The following SLC9B2 variants were observed in gnomAD, a reference collection of about 807,000 sequenced individuals.
The protein encoded by SLC9B2 is solute carrier family 9 member B2, also known as sodium/hydrogen exchanger 9B2.
A neutral mutation model predicts 52.2 loss-of-function variants in SLC9B2; 39 were observed. The observed-to-expected ratio is 0.75, with a 90% CI of 0.58 to 0.98. The LOEUF (loss-of-function observed/expected upper bound fraction) is 0.98. Among genes scored for constraint, SLC9B2 ranks in the 50% least tolerant of loss-of-function variants. The pLI is 0.00. For synonymous variants in SLC9B2, 214 were observed against 227.0 expected (o/e 0.94, Z 0.51); for missense variants, 626 against 637.5 (o/e 0.98, Z 0.19).
chr4:103,026,515 A>G lies in SLC9B2; in HGVS notation c.1469T>C (p.Val490Ala). Residue 490 changes from valine to alanine, a missense_variant, in exon 12 of 12, where the codon GTG becomes GCG. Coordinates refer to ENST00000394785, the MANE Select transcript of SLC9B2 (RefSeq NM_178833.7). ...GATGGACAAAAATGCCACTGTCAAC[A>G]CATCCATTCCATAGTCTTCTAATTG... ...EKQLEDYGMD[V>A]LTVAFLSILI... The G allele has an allele frequency of 4.3e-6, 7 of 1,613,982 alleles. No individual in the cohort carries two copies. Among genetic ancestry groups the G allele is most frequent in the African/African-American group, 1.3e-5 (1 of 75,042 alleles).
At chr4:103,057,263 T>C (rs867891482) in intron 4 of SLC9B2, among the ~76,000 whole-genome samples, 1 of 94,650 alleles carries the variant, frequency 1.1e-5, no homozygotes, top group Non-Finnish European at 2.2e-5. Flanking sequence ...TATATATATA[T>C]ATATATATAT....
rs1009270910 is a variant in SLC9B2, at chr4:103,024,727, T to A, written c.*1643A>T. On this transcript the variant is annotated 3_prime_UTR_variant, in exon 12 of 12. Transcript: ENST00000394785. ...GTAATAAACACTTCAGGTACACAGA[T>A]AACATGATAAAAACTGTAAACTGTA... Among the ~76,000 whole-genome samples the A allele has an allele frequency of 6.6e-6, 1 of 152,180 alleles. No homozygotes were observed. The highest frequency in any genetic ancestry group is 2.4e-5 in the African/African-American group (1 of 41,458).
At chr4:103,060,447 T>C (rs1286602353) in intron 3 of SLC9B2, among the ~76,000 whole-genome samples, 2 of 151,904 alleles carry the variant, frequency 1.3e-5, no homozygotes, top group African/African-American at 4.8e-5. Context: ...ATTCTTAACT[T>C]CTTTATATAT....
At chr4:103,063,484 A>C (rs1451556919) in intron 3 of SLC9B2, among the ~76,000 whole-genome samples, 1 of 152,230 alleles carries the variant, frequency 6.6e-6, no homozygotes, top group Admixed American at 6.5e-5. Context: ...ATATGTGGGC[A>C]TCCATATATT....
At chr4:103,045,064 A>C in intron 7 of SLC9B2, 68 bp from the exon 8 acceptor site, 2 of 989,474 alleles carry the variant, frequency 2.0e-6, no homozygotes, top group Non-Finnish European at 3.2e-6. Context: ...TTCCACAATC[A>C]TCAACATGAA....
intron 3 of SLC9B2, among the ~76,000 whole-genome samples, chr4:103,062,811 T>C (rs949561587): frequency 3.9e-5 from 6 of 152,102 alleles, no homozygotes; most frequent in Admixed American, 1.3e-4. Flanking sequence ...GAGGTTTCAC[T>C]ATGTTAGCCA....
intron 1 of SLC9B2, among the ~76,000 whole-genome samples, chr4:103,073,587 A>T (rs1205222322): frequency 6.6e-6 from 1 of 152,234 alleles, no homozygotes; most frequent in Non-Finnish European, 1.5e-5. Context: ...TGTCAAATAC[A>T]TGTGGCCAAG....
intron 4 of SLC9B2, among the ~76,000 whole-genome samples, chr4:103,054,526 T>G (rs563249767): frequency 1.5e-3 from 236 of 152,292 alleles, no homozygotes; most frequent in African/African-American, 5.3e-3. Context: ...AATGAATATC[T>G]TAGGCTTTGT....
At position 103,067,532 on chromosome 4, in the gene SLC9B2, T is replaced by C; in HGVS notation, c.19A>G (p.Arg7Gly). Residue 7 changes from arginine to glycine, a missense_variant, in exon 2 of 12, where the codon AGA becomes GGA. Physicochemically the swap from Arg to Gly is moderately radical, Grantham distance 125. Transcript: ENST00000394785. MGDEDK[R>G]ITYEDSEPST... is the part of the protein sequence containing the mutation. ...GGTTCTGAATCTTCATATGTAATTCTTTTATCTTCATCCCCCATTATTTAT... is the reference window on the plus strand; with the variant it reads ...GGTTCTGAATCTTCATATGTAATTCCTTTATCTTCATCCCCCATTATTTAT... 6.2e-7 allele frequency: 1 copy of C among 1,612,210 alleles called. No homozygotes were observed. Among genetic ancestry groups the C allele is most frequent in the Non-Finnish European group, 8.5e-7 (1 of 1,178,468 alleles).
chr4:103,029,022 GA>G, intron 10 of SLC9B2, 139 bp from the exon 11 acceptor site: 2 of 720,770 alleles, frequency 2.8e-6, no homozygotes, highest in Non-Finnish European at 2.1e-6. Context: ...TGTTTAGGAA[GA>G]ATATATAAAA....
intron 2 of SLC9B2, 33 bp downstream of exon 2, chr4:103,067,428 A>T: frequency 6.3e-7 from 1 of 1,574,828 alleles, no homozygotes; most frequent in Non-Finnish European, 8.7e-7. Context: ...TAGAATATGA[A>T]GAAAACACAA....
chr4:103,044,674 T>C (rs1430901911), intron 8 of SLC9B2, among the ~76,000 whole-genome samples: 2 of 152,234 alleles, frequency 1.3e-5, no homozygotes, highest in Non-Finnish European at 2.9e-5. Context: ...GAATTTGAAA[T>C]GTACAGAATA....
At chr4:103,026,627 A>G (rs1742241572) in intron 11 of SLC9B2, 36 bp from the exon 12 acceptor site, 1 of 1,579,956 alleles carries the variant, frequency 6.3e-7, no homozygotes, top group Non-Finnish European at 8.6e-7. Context: ...GAATCATGAT[A>G]AGATAAGCAC....
At chr4:103,075,936 C>A (rs1747092536) in intron 1 of SLC9B2, among the ~76,000 whole-genome samples, 1 of 152,158 alleles carries the variant, frequency 6.6e-6, no homozygotes, top group African/African-American at 2.4e-5. Flanking sequence ...TGATTCTTAG[C>A]ACCTCGAGGA....
intron 1 of SLC9B2, among the ~76,000 whole-genome samples, chr4:103,070,889 G>A (rs944815911): frequency 1.3e-5 from 2 of 152,082 alleles, no homozygotes; most frequent in African/African-American, 4.8e-5. Flanking sequence ...TGAAAGAGAT[G>A]AAAAAGACAG....
intron 9 of SLC9B2, among the ~76,000 whole-genome samples, chr4:103,034,876 T>C: frequency 6.6e-6 from 1 of 152,252 alleles, no homozygotes; most frequent in African/African-American, 2.4e-5. Context: ...ATTGTACATC[T>C]TTTGATACTT....
At chr4:103,073,179 G>A (rs1454266730) in intron 1 of SLC9B2, among the ~76,000 whole-genome samples, 1 of 152,042 alleles carries the variant, frequency 6.6e-6, no homozygotes, top group African/African-American at 2.4e-5. Context: ...ATTAGTTTGT[G>A]GTATTTTGTT....
At chr4:103,039,812 A>C (rs571227343) in intron 9 of SLC9B2, among the ~76,000 whole-genome samples, 5 of 151,690 alleles carry the variant, frequency 3.3e-5, no homozygotes, top group Admixed American at 3.3e-4. Flanking sequence ...ATGCCCGGCT[A>C]ATTTTTTGTA....
At chr4:103,047,542 C>A (rs113320650) in intron 6 of SLC9B2, among the ~76,000 whole-genome samples, 4 of 122,496 alleles carry the variant, frequency 3.3e-5, no homozygotes, top group African/African-American at 9.1e-5. Context: ...ATCCCTCCCC[C>A]CCTCCCCCCA....
Sources: allele counts gnomAD v4.1 joint callset (sites outside exome capture counted in the v4.1 genomes callset), GRCh38; gene constraint gnomAD v4.1.1; transcripts MANE v1.5; gene names NCBI Gene and HGNC (gene_info 2026-07-23, HGNC 2026-07-21).